Variants in GAS7 observed in about 807,000 individuals in gnomAD.
The protein encoded by GAS7 is growth arrest-specific protein 7.
A neutral mutation model predicts 71.1 loss-of-function variants in GAS7; 28 were observed. That is an observed-to-expected ratio of 0.39 (90% CI 0.29 to 0.54). GAS7 has a LOEUF of 0.54. GAS7 is among the 20% of genes least tolerant of loss of function. GAS7 has a pLI of 0.62. For missense variants in GAS7, 436 were observed against 627.8 expected, an observed-to-expected ratio of 0.69 and a Z score of 3.27; for synonymous variants, 258 against 245.8, an observed-to-expected ratio of 1.05 and a Z score of -0.46.
chr17:10,064,067 T>C (rs1299483558), intron 1 of GAS7, among the ~76,000 whole-genome samples: 2 of 152,098 alleles, frequency 1.3e-5, no homozygotes, highest in Non-Finnish European at 2.9e-5. Flanking sequence ...CAACAGAAGT[T>C]CAAAGATGCT....
intron 9 of GAS7, among the ~76,000 whole-genome samples, chr17:9,933,551 G>A (rs2068282944): frequency 1.3e-5 from 2 of 152,184 alleles, no homozygotes; most frequent in African/African-American, 2.4e-5. Flanking sequence ...TATTAAAAAC[G>A]AAGGTAATAG....
At position 9,926,818 on chromosome 17, in the gene GAS7, A is replaced by G; in HGVS notation, c.886-49T>C. The G allele has an allele frequency of 6.2e-7, 1 of 1,608,516 alleles. No individual in the cohort carries two copies. The highest frequency in any genetic ancestry group is 8.5e-7 in the Non-Finnish European group (1 of 1,175,186). ...ACTCAGGACCCAGGGCATCAGCTGT[A>G]AGCCAGTGCAGGGAGGAGGGATGGG... On this transcript the variant is annotated intron_variant, in intron 9 of 13. Transcript: ENST00000432992. The surrounding 1 kb of genome is among the most constrained non-coding windows in gnomAD (Gnocchi z 5.0).
At chr17:9,996,558 G>C (rs1278569126) in intron 2 of GAS7, among the ~76,000 whole-genome samples, 3 of 131,422 alleles carry the variant, frequency 2.3e-5, no homozygotes, top group Non-Finnish European at 3.3e-5. Flanking sequence ...AAAACTTAAA[G>C]TATAATTTAA....
chr17:10,147,779 C>T (rs2074132655), intron 1 of GAS7, among the ~76,000 whole-genome samples: 1 of 152,264 alleles, frequency 6.6e-6, no homozygotes, highest in African/African-American at 2.4e-5. Flanking sequence ...AGCTCAAACT[C>T]TATTAATGTG....
intron 1 of GAS7, among the ~76,000 whole-genome samples, chr17:10,040,550 A>C (rs7216101): frequency 0.12 from 18,529 of 152,122 alleles, 1,360 homozygotes; most frequent in Middle Eastern, 0.16. Context: ...AACTAGAGGG[A>C]GGAAACCGGC....
At chr17:10,062,077 T>C (rs1247914291) in intron 1 of GAS7, among the ~76,000 whole-genome samples, 1 of 152,170 alleles carries the variant, frequency 6.6e-6, no homozygotes, top group Non-Finnish European at 1.5e-5. Flanking sequence ...TGGTTCCCGG[T>C]GCCCCCGACC....
At chr17:10,101,993 C>G (rs1329537347) in intron 1 of GAS7, among the ~76,000 whole-genome samples, 2 of 152,052 alleles carry the variant, frequency 1.3e-5, no homozygotes, top group African/African-American at 2.4e-5. Context: ...AACTCCCTCC[C>G]CAAATAGTGC....
intron 1 of GAS7, among the ~76,000 whole-genome samples, chr17:10,057,084 G>A (rs997164617): frequency 6.6e-6 from 1 of 152,158 alleles, no homozygotes; most frequent in South Asian, 2.1e-4. Context: ...ACGGAGTCTC[G>A]TTCACTCAGT....
Position 10,042,788 on chromosome 17 carries a change from G to A in GAS7, c.184-22891C>T, listed in dbSNP as rs115627219. Among the ~76,000 whole-genome samples, 301 of 152,314 alleles carry A rather than the reference G, an allele frequency of 2.0e-3. 2 individuals carry two copies. Among genetic ancestry groups the A allele is most frequent in the African/African-American group, 6.8e-3 (281 of 41,584 alleles). Reference sequence around the variant, plus strand: ...AAAAACAAGGGCTTGACTGGAGCCCGAGGAACATGATGTACGAAGCAGAAT... The same window carrying A: ...AAAAACAAGGGCTTGACTGGAGCCCAAGGAACATGATGTACGAAGCAGAAT... On this transcript the variant is annotated intron_variant, in intron 1 of 13. Transcript: ENST00000432992.
chr17:10,042,292 C>CAAAAAA (rs58391348), intron 1 of GAS7, among the ~76,000 whole-genome samples: 1 of 95,608 alleles, frequency 1.0e-5, no homozygotes, highest in East Asian at 3.4e-4. Context: ...GAGACTCCGT[C>CAAAAAA]AAAAAAAAAA....
At chr17:9,961,505 G>A (rs140126414) in intron 4 of GAS7, among the ~76,000 whole-genome samples, 719 of 152,270 alleles carry the variant, frequency 4.7e-3, no homozygotes, top group Non-Finnish European at 7.8e-3. Context: ...CATCACCACC[G>A]CGTTCCCACT....
At chr17:10,019,308 C>T (rs2072168090) in intron 2 of GAS7, among the ~76,000 whole-genome samples, 1 of 152,128 alleles carries the variant, frequency 6.6e-6, no homozygotes, top group Non-Finnish European at 1.5e-5. Context: ...AAAAAGATGA[C>T]GTTGTAGTGA....
At chr17:9,957,720 C>A (rs1252632478) in intron 5 of GAS7, among the ~76,000 whole-genome samples, 1 of 151,940 alleles carries the variant, frequency 6.6e-6, no homozygotes, top group Non-Finnish European at 1.5e-5. Context: ...AGCCTGCCCA[C>A]ACCCCCTACC....
chr17:10,118,156 A>G (rs2073876505), intron 1 of GAS7, among the ~76,000 whole-genome samples: 1 of 151,636 alleles, frequency 6.6e-6, no homozygotes, highest in Non-Finnish European at 1.5e-5. Context: ...TTACATTTCT[A>G]AGTCAGTCAC....
At chr17:9,929,105 T>C (rs1315496165) in intron 9 of GAS7, among the ~76,000 whole-genome samples, 1 of 152,148 alleles carries the variant, frequency 6.6e-6, no homozygotes, top group Non-Finnish European at 1.5e-5. Flanking sequence ...ATAAACCCCT[T>C]TCCCACGTAT....
intron 2 of GAS7, among the ~76,000 whole-genome samples, chr17:9,984,066 G>A (rs1052885193): frequency 2.6e-5 from 4 of 152,142 alleles, no homozygotes; most frequent in African/African-American, 9.7e-5. Flanking sequence ...TGCCTCTAGC[G>A]CTAAGTCATT....
At chr17:10,033,080 C>G (rs2072661208) in intron 1 of GAS7, among the ~76,000 whole-genome samples, 1 of 152,182 alleles carries the variant, frequency 6.6e-6, no homozygotes, top group African/African-American at 2.4e-5. Flanking sequence ...TAGTACTTTT[C>G]TCTTCGTCCT....
At chr17:10,079,474 CT>C (rs1340707708) in intron 1 of GAS7, among the ~76,000 whole-genome samples, 2 of 152,170 alleles carry the variant, frequency 1.3e-5, no homozygotes, top group Non-Finnish European at 2.9e-5. Flanking sequence ...ACAACCTATT[CT>C]CTCTGAAGCC....
rs1298330443 is a variant in GAS7, at chr17:9,981,775, G to C, written c.385+29C>G. 14 of 1,300,830 alleles carry C rather than the reference G, an allele frequency of 1.1e-5. No homozygotes were observed. Among genetic ancestry groups the C allele is most frequent in the Non-Finnish European group, 1.6e-5 (14 of 894,580 alleles). 80.6% of individuals were successfully genotyped at this position (1,300,830 alleles called of 1,614,324 possible). On this transcript the variant is annotated intron_variant, in intron 3 of 13. Transcript: ENST00000432992. This position sits in a 1 kb window ranked among gnomAD's most constrained non-coding sequence, Gnocchi z 4.4. ...TGAATGTGGCATCAGGGCCCTCCCAGTTGCCCCAAAGCAGACAGCGGACAT... is the reference window on the plus strand; with the variant it reads ...TGAATGTGGCATCAGGGCCCTCCCACTTGCCCCAAAGCAGACAGCGGACAT...
Sources: gnomAD v4.1 joint callset for allele counts (sites outside exome capture counted in the v4.1 genomes callset) on GRCh38, gnomAD v4.1.1 for gene constraint, Gnocchi (gnomAD v3.1) non-coding constraint, MANE v1.5 for transcripts, NCBI Gene and HGNC (gene_info 2026-07-23, HGNC 2026-07-21) for gene names.